Variants in SYK observed in about 807,000 individuals in gnomAD.
The protein encoded by SYK is spleen associated tyrosine kinase.
A neutral mutation model predicts 77.8 loss-of-function variants in SYK; 16 were observed. That is an observed-to-expected ratio of 0.21 (90% CI 0.14 to 0.31). The LOEUF is 0.31. SYK is among the 10% of genes least tolerant of loss of function. SYK has a pLI of 1.00. For synonymous variants in SYK, 312 were observed against 308.7 expected (o/e 1.01, Z -0.11); for missense variants, 529 against 814.4 (o/e 0.65, Z 4.26).
upstream of SYK, chr9:90,801,713 C>T (rs530677450): frequency 6.6e-6 from 1 of 152,238 alleles, no homozygotes; most frequent in Admixed American, 6.5e-5. Flanking sequence ...CAGGGCGGGC[C>T]AGGGCGGCGG....
chr9:90,815,641 C>T (rs2118351992), intron 1 of SYK, among the ~76,000 whole-genome samples: 1 of 152,372 alleles, frequency 6.6e-6, no homozygotes, highest in Non-Finnish European at 1.5e-5. Flanking sequence ...GATTCTTCTT[C>T]CTGAATTATT....
chr9:90,850,382 G>A (rs566219553), intron 3 of SYK, among the ~76,000 whole-genome samples: 1 of 152,234 alleles, frequency 6.6e-6, no homozygotes, highest in African/African-American at 2.4e-5. Flanking sequence ...TGAGTATAGT[G>A]GTGTGTGCCT....
rs201935229 is a variant in SYK at position 90,896,247 on chromosome 9, T to G, written c.*647T>G. 3.0e-5 allele frequency: 7 copies of G among 232,832 alleles called. No homozygotes were observed. Among genetic ancestry groups the G allele is most frequent in the Non-Finnish European group, 5.1e-5 (6 of 118,022 alleles). 14.4% of individuals were successfully genotyped at this position (232,832 alleles called of 1,614,324 possible). On this transcript the variant is annotated 3_prime_UTR_variant, in exon 14 of 14. Transcript: ENST00000375754. ...GATACTGCTTTTGCTGTCTCTGTTA[T>G]GAGATGGAAGACTTACATGTTTGTG...
At chr9:90,843,102 T>A (rs1781273013) in intron 1 of SYK, among the ~76,000 whole-genome samples, 1 of 152,108 alleles carries the variant, frequency 6.6e-6, no homozygotes, top group South Asian at 2.1e-4. Flanking sequence ...GCCCTGCAGA[T>A]GGGAAGTGGC....
chr9:90,854,266 G>T (rs542129340), intron 3 of SYK, among the ~76,000 whole-genome samples: 1 of 152,306 alleles, frequency 6.6e-6, no homozygotes, highest in Non-Finnish European at 1.5e-5. Flanking sequence ...ATGGAGCAGG[G>T]GCGGCTGCTC....
chr9:90,874,197 A>G lies in SYK; in HGVS notation c.916-7A>G, dbSNP rs546215536. 6 of 1,613,048 alleles carry G rather than the reference A, an allele frequency of 3.7e-6. No homozygotes were observed. The African/African-American group carries it at 6.7e-5, about 18-fold the overall frequency. The stretch of plus-strand genomic sequence containing the variant: ...AAAAACAACCTGTTGTCCTTTATGT[A>G]CTTTAGTCCTCCCCTGCCCAAGGGA... On this transcript the variant is annotated splice_region_variant and splice_polypyrimidine_tract_variant and intron_variant, in intron 7 of 13. Transcript: ENST00000375754.
chr9:90,870,003 G>A (rs557152534), intron 7 of SYK, among the ~76,000 whole-genome samples: 52 of 152,298 alleles, frequency 3.4e-4, no homozygotes, highest in Admixed American at 3.3e-3. Flanking sequence ...AGCTACTCAG[G>A]AGGCTGAAGC....
chr9:90,804,748 C>T (rs1824749369), intron 1 of SYK, among the ~76,000 whole-genome samples: 1 of 152,198 alleles, frequency 6.6e-6, no homozygotes, highest in Admixed American at 6.5e-5. Flanking sequence ...TGTGTCTTAT[C>T]ACCTTCCTCT....
intron 1 of SYK, among the ~76,000 whole-genome samples, chr9:90,809,081 C>T (rs1397971241): frequency 1.3e-5 from 2 of 152,230 alleles, no homozygotes; most frequent in Non-Finnish European, 2.9e-5. Context: ...AGCTGATGGT[C>T]ATGGCTACGT....
chr9:90,805,203 A>T (rs1824773816), intron 1 of SYK, among the ~76,000 whole-genome samples: 2 of 152,228 alleles, frequency 1.3e-5, no homozygotes, highest in African/African-American at 4.8e-5. Flanking sequence ...AAGCGAGGAC[A>T]GTTAAGAATG....
Position 90,844,309 on chromosome 9 carries a change from C to A in SYK, c.411C>A (p.Asn137Lys), listed in dbSNP as rs773009850. 2 of 1,602,696 alleles carry A rather than the reference C, an allele frequency of 1.2e-6. No homozygotes were observed. The change falls in exon 2 of 14, where the codon AAC becomes AAA. Residue 137 changes from asparagine to lysine, a missense_variant. Around this residue, in one of 2 missense-constraint regions of SYK, gnomAD observed 321 missense variants for 433.1 expected, o/e 0.74. Transcript: ENST00000375754. Reference sequence around the variant, plus strand: ...GGGAATATGTGAAGCAGACATGGAACCTGCAGGTGGGCCACAGCTGGTCCT... The same window carrying A: ...GGGAATATGTGAAGCAGACATGGAAACTGCAGGTGGGCCACAGCTGGTCCT... ...LIREYVKQTW[N>K]LQGQALEQAI...
intron 1 of SYK, among the ~76,000 whole-genome samples, chr9:90,825,039 G>A (rs772906617): frequency 4.0e-5 from 6 of 151,476 alleles, no homozygotes; most frequent in East Asian, 1.9e-4. Flanking sequence ...TACAAAAGTC[G>A]GTTGCTTTCC....
At chr9:90,814,763 T>C (rs1825225776) in intron 1 of SYK, among the ~76,000 whole-genome samples, 1 of 152,098 alleles carries the variant, frequency 6.6e-6, no homozygotes, top group South Asian at 2.1e-4. Context: ...TTGAGTCTTG[T>C]CCATGGGGCC....
chr9:90,814,449 C>T (rs979410120), intron 1 of SYK, among the ~76,000 whole-genome samples: 1 of 152,178 alleles, frequency 6.6e-6, no homozygotes, highest in South Asian at 2.1e-4. Flanking sequence ...TGTCAGGGAC[C>T]AGTTGCCACA....
At chr9:90,825,255 G>A (rs1011380601) in intron 1 of SYK, among the ~76,000 whole-genome samples, 6 of 152,158 alleles carry the variant, frequency 3.9e-5, no homozygotes, top group South Asian at 2.1e-4. Context: ...GTCCATGTTC[G>A]TACATTGGAA....
In SYK at chr9:90,841,225, G is replaced by A. The variant is rs554858085; in HGVS notation, c.-41-2633G>A. 1.1e-4 allele frequency among the ~76,000 whole-genome samples: 17 copies of A among 151,422 alleles called. No individual in the cohort carries two copies. The East Asian group carries it at 1.4e-3, about 12-fold the overall frequency. ...TGTTGCATGTAGTGTGTTGTGTGTCGTGTGTATGTAGTTTGTGTGTGTGGT... is the reference window on the plus strand; with the variant it reads ...TGTTGCATGTAGTGTGTTGTGTGTCATGTGTATGTAGTTTGTGTGTGTGGT... On this transcript the variant is annotated intron_variant, in intron 1 of 13. Coordinates refer to ENST00000375754, the MANE Select transcript of SYK (RefSeq NM_003177.7).
chr9:90,890,614 T>A (rs1490178031), intron 13 of SYK, among the ~76,000 whole-genome samples: 2 of 152,320 alleles, frequency 1.3e-5, no homozygotes, highest in South Asian at 4.1e-4. Flanking sequence ...AGGAGTCAGC[T>A]CCAGGGCACA....
chr9:90,888,511 G>A lies in SYK; in HGVS notation c.1723-4G>A. 6.3e-7 allele frequency: 1 copy of A among 1,594,822 alleles called. No homozygotes were observed. The highest frequency in any genetic ancestry group is 2.2e-5 in the East Asian group (1 of 44,678). On this transcript the variant is annotated splice_region_variant and splice_polypyrimidine_tract_variant and intron_variant, in intron 12 of 13. Coordinates refer to ENST00000375754, the MANE Select transcript of SYK (RefSeq NM_003177.7). Reference sequence around the variant, plus strand: ...AAAGCTTATGCATATCTTGCATGTTGTAGGGGATGAAAGGAAGTGAAGTCA... The same window carrying A: ...AAAGCTTATGCATATCTTGCATGTTATAGGGGATGAAAGGAAGTGAAGTCA...
intron 1 of SYK, among the ~76,000 whole-genome samples, chr9:90,812,363 A>G (rs551637562): frequency 1.3e-5 from 2 of 152,326 alleles, no homozygotes; most frequent in East Asian, 3.9e-4. Context: ...TCCTCCAATG[A>G]AGAGCGAGGC....
Sources: allele counts gnomAD v4.1 joint callset (sites outside exome capture counted in the v4.1 genomes callset), GRCh38; gene constraint gnomAD v4.1.1; regional missense constraint gnomAD v4.1.1; transcripts MANE v1.5; gene names NCBI Gene and HGNC (gene_info 2026-07-23, HGNC 2026-07-21).